NFAM1: variants seen among roughly 807,000 people sequenced by gnomAD.
NFAM1 encodes the protein NFAT activating protein with ITAM motif 1.
A neutral mutation model predicts 29.0 loss-of-function variants in NFAM1; 17 were observed. The observed-to-expected ratio is 0.59, with a 90% CI of 0.40 to 0.88. NFAM1 has a LOEUF of 0.88. NFAM1 is among the 40% of genes least tolerant of loss of function. NFAM1 has a pLI of 0.00. For synonymous variants in NFAM1, 175 were observed against 147.2 expected, an observed-to-expected ratio of 1.19 and a Z score of -1.36; for missense variants, 324 against 344.6, an observed-to-expected ratio of 0.94 and a Z score of 0.47.
At chr22:42,395,630 C>A (rs1439630637) in intron 4 of NFAM1, among the ~76,000 whole-genome samples, 1 of 151,820 alleles carries the variant, frequency 6.6e-6, no homozygotes, top group Non-Finnish European at 1.5e-5. Flanking sequence ...CACCTGTAAT[C>A]CCAGCACTTT....
intron 3 of NFAM1, among the ~76,000 whole-genome samples, chr22:42,407,317 A>G (rs1929932322): frequency 7.4e-6 from 1 of 135,850 alleles, no homozygotes; most frequent in South Asian, 2.3e-4. Context: ...CCTGGCCTCA[A>G]GTGATCCGCC....
At chr22:42,406,112 C>T (rs1929888561) in intron 3 of NFAM1, among the ~76,000 whole-genome samples, 1 of 92,454 alleles carries the variant, frequency 1.1e-5, no homozygotes, top group African/African-American at 3.4e-5. Context: ...TCCTCGCCTG[C>T]TCTTCCAGTC....
chr22:42,408,995 GGAGGGTTGCTGGAGGGCGTGCGA>G (rs1929990595), intron 3 of NFAM1, among the ~76,000 whole-genome samples: 3 of 151,946 alleles, frequency 2.0e-5, no homozygotes. Context: ...AGGGTGTGTG[GGAGGGTTGCTGGAGGGCGTGCGA>G]GAGGGCGAGT....
intron 1 of NFAM1, among the ~76,000 whole-genome samples, chr22:42,415,072 A>G (rs1479220652): frequency 6.6e-6 from 1 of 152,132 alleles, no homozygotes; most frequent in East Asian, 1.9e-4. Flanking sequence ...CTTCGAAACG[A>G]GAACCTCAGA....
rs1022219915 is a variant in NFAM1 at position 42,382,843 on chromosome 22, G to C, written c.*2318C>G. 1 of 154,452 alleles carries C rather than the reference G, an allele frequency of 6.5e-6. No individual in the cohort carries two copies. The highest frequency in any genetic ancestry group is 1.9e-4 in the East Asian group (1 of 5,246). 9.6% of individuals were successfully genotyped at this position (154,452 alleles called of 1,614,324 possible). On this transcript the variant is annotated 3_prime_UTR_variant, in exon 6 of 6. Transcript: ENST00000329021. The stretch of plus-strand genomic sequence containing the variant: ...CCTGCCTCTCTCCTTGCTCACTGAA[G>C]ACCTCAGCACCCACTGCCTCCCAGC...
chr22:42,386,998 G>A lies in NFAM1; in HGVS notation c.744C>T (p.Pro248=), dbSNP rs371066268. 6.4e-7 allele frequency: 1 copy of A among 1,559,016 alleles called. No individual in the cohort carries two copies. Among genetic ancestry groups the A allele is most frequent in the Non-Finnish European group, 8.7e-7 (1 of 1,149,454 alleles). ...CCCAGCGCCTGTGTACCTGGGAGAG[G>A]GGGCTCTGCTTGGCGGTGGGTGAGC... ...DGSSPTAKQS[P]LSQERPHRFE... The change falls in exon 5 of 6, where the codon CCC becomes CCT. Residue 248 remains proline, a synonymous_variant. Coordinates refer to ENST00000329021, the MANE Select transcript of NFAM1 (RefSeq NM_145912.8).
At chr22:42,402,249 C>G (rs1929748142) in intron 3 of NFAM1, among the ~76,000 whole-genome samples, 1 of 152,198 alleles carries the variant, frequency 6.6e-6, no homozygotes, top group Non-Finnish European at 1.5e-5. Context: ...AACTCCAAGG[C>G]TTGGGCCTGA....
intron 3 of NFAM1, among the ~76,000 whole-genome samples, chr22:42,398,580 A>G (rs1179449316): frequency 6.6e-6 from 1 of 151,554 alleles, no homozygotes; most frequent in Non-Finnish European, 1.5e-5. Context: ...ACGCCCGGCT[A>G]ATTTTGTATT....
chr22:42,430,679 T>G (rs969104434), intron 1 of NFAM1, among the ~76,000 whole-genome samples: 15 of 152,020 alleles, frequency 9.9e-5, no homozygotes, highest in Non-Finnish European at 1.8e-4. Context: ...ATGTAATGTT[T>G]GTTGCAATAC....
chr22:42,417,697 C>T (rs1206682486), intron 1 of NFAM1, among the ~76,000 whole-genome samples: 1 of 152,064 alleles, frequency 6.6e-6, no homozygotes, highest in Non-Finnish European at 1.5e-5. Context: ...GGGAGTTTGG[C>T]CCAGGGGGAG....
At chr22:42,407,318 G>C (rs1452484712) in intron 3 of NFAM1, among the ~76,000 whole-genome samples, 1 of 151,782 alleles carries the variant, frequency 6.6e-6, no homozygotes, top group Non-Finnish European at 1.5e-5. Context: ...CTGGCCTCAA[G>C]TGATCCGCCT....
chr22:42,431,374 C>G (rs1035797073), intron 1 of NFAM1, among the ~76,000 whole-genome samples: 3 of 152,160 alleles, frequency 2.0e-5, no homozygotes, highest in African/African-American at 7.2e-5. Flanking sequence ...GCCCCATAAA[C>G]TAAGAGAATA....
intron 2 of NFAM1, among the ~76,000 whole-genome samples, chr22:42,411,014 C>CT: frequency 8.2e-6 from 1 of 122,068 alleles, no homozygotes; most frequent in African/African-American, 4.0e-5. Context: ...TATTTCTTTT[C>CT]TTTTCTTTTT....
In NFAM1 at chr22:42,419,096, A is replaced by G. The variant is rs887409193; in HGVS notation, c.122-7360T>C. On this transcript the variant is annotated intron_variant, in intron 1 of 5. Coordinates refer to ENST00000329021, the MANE Select transcript of NFAM1 (RefSeq NM_145912.8). The surrounding 1 kb of genome is among the most constrained non-coding windows in gnomAD (Gnocchi z 4.5). ...CTCCCACACCTGGCGCGGGGACCAC[A>G]TGCCGAGTGAGTCCCTGGCGGGGTG... Among the ~76,000 whole-genome samples, 3 of 152,148 alleles carry G rather than the reference A, an allele frequency of 2.0e-5. No homozygotes were observed. The highest frequency in any genetic ancestry group is 7.2e-5 in the African/African-American group (3 of 41,428).
At position 42,432,338 on chromosome 22, in the gene NFAM1, C is replaced by T. The variant is rs766738788; in HGVS notation, c.20G>A (p.Arg7Lys). Reference protein sequence around the residue: MENQPVRWRALPGLPRP... With the variant: MENQPVKWRALPGLPRP... ...TGGGAGGCCTGGCAGGGCCCGCCAC[C>T]TCACAGGCTGGTTCTCCATCTGGGG... is the stretch of plus-strand genomic sequence containing the variant. The change falls in exon 1 of 6, where the codon AGG becomes AAG. Residue 7 changes from arginine to lysine, a missense_variant. By Grantham distance (26) the Arg-to-Lys change is conservative. Transcript: ENST00000329021. The T allele has an allele frequency of 7.0e-6, 11 of 1,579,280 alleles. No homozygotes were observed. In the Admixed American group the frequency reaches 1.8e-4, roughly 26 times the overall value.
At chr22:42,385,986 T>C (rs1258054562) in intron 5 of NFAM1, among the ~76,000 whole-genome samples, 2 of 152,198 alleles carry the variant, frequency 1.3e-5, no homozygotes, top group African/African-American at 2.4e-5. Flanking sequence ...CTGGTGCAGA[T>C]GTTATTCAGC....
chr22:42,423,725 C>CTT (rs368682615), intron 1 of NFAM1, among the ~76,000 whole-genome samples: 35,486 of 143,374 alleles, frequency 0.25, 4,561 homozygotes, highest in Admixed American at 0.36. Flanking sequence ...TCCCTCTTTT[C>CTT]TTTTTTTTTT....
chr22:42,432,154 G>A, intron 1 of NFAM1, 83 bp downstream of exon 1: 4 of 1,250,344 alleles, frequency 3.2e-6, no homozygotes, highest in Non-Finnish European at 3.4e-6. Flanking sequence ...AGGTCCCTGG[G>A]AATTAGCTGC....
chr22:42,414,787 G>A (rs972171910), intron 1 of NFAM1, among the ~76,000 whole-genome samples: 3 of 151,936 alleles, frequency 2.0e-5, no homozygotes, highest in Admixed American at 1.3e-4. Context: ...CAGGGGGAGG[G>A]CAGATACACT....
Sources: allele counts gnomAD v4.1 joint callset (sites outside exome capture counted in the v4.1 genomes callset), GRCh38; gene constraint gnomAD v4.1.1; non-coding constraint Gnocchi (gnomAD v3.1); transcripts MANE v1.5; gene names NCBI Gene and HGNC (gene_info 2026-07-23, HGNC 2026-07-21).